MBOAT2: variants seen among roughly 807,000 people sequenced by gnomAD.
The protein encoded by MBOAT2 is membrane bound glycerophospholipid O-acyltransferase 2, also known as membrane-bound glycerophospholipid O-acyltransferase 2.
A neutral mutation model predicts 63.4 loss-of-function variants in MBOAT2; 28 were observed. The observed-to-expected ratio is 0.44, with a 90% confidence interval of 0.33 to 0.61. MBOAT2 has a LOEUF of 0.61. Ranked by LOEUF, MBOAT2 falls within the 20% of genes least tolerant of loss-of-function variation. The pLI, the probability that MBOAT2 is intolerant of heterozygous loss-of-function variation, is 0.03. For missense variants in MBOAT2, 470 were observed against 605.8 expected (o/e 0.78, Z 2.35); for synonymous variants, 211 against 215.6 (o/e 0.98, Z 0.19).
chr2:8,960,010 A>G (rs1196227691), intron 1 of MBOAT2, among the ~76,000 whole-genome samples: 1 of 152,230 alleles, frequency 6.6e-6, no homozygotes, highest in African/African-American at 2.4e-5. Context: ...TCTTTCTCAC[A>G]TATCAAGGAG....
intron 1 of MBOAT2, chr2:8,974,209 G>A (rs1246129159): frequency 2.7e-6 from 1 of 371,774 alleles, no homozygotes; most frequent in Non-Finnish European, 5.5e-6. Context: ...AGTCTCATGG[G>A]ATGAATAGTG....
intron 8 of MBOAT2, among the ~76,000 whole-genome samples, chr2:8,869,624 C>T (rs1662167822): frequency 6.6e-6 from 1 of 152,086 alleles, no homozygotes; most frequent in Non-Finnish European, 1.5e-5. Flanking sequence ...AAAAATTACA[C>T]TTTGGGGGAA....
At position 8,873,981 on chromosome 2, in the gene MBOAT2, G is replaced by C. The variant is rs574467401; in HGVS notation, c.691-681C>G. On this transcript the variant is annotated intron_variant, in intron 7 of 12. Coordinates refer to ENST00000305997, the MANE Select transcript of MBOAT2 (RefSeq NM_138799.4). ...AGGCCAGAATATTTCAACTTCATTT[G>C]GTATAAAAGAGATTATATAGGCTAG... is the stretch of plus-strand genomic sequence containing the variant. Among the ~76,000 whole-genome samples, 11 of 152,202 alleles carry C rather than the reference G, an allele frequency of 7.2e-5. No homozygotes were observed. In the South Asian group the frequency reaches 2.3e-3, roughly 32 times the overall value.
chr2:8,864,885 A>G (rs1300585633), intron 9 of MBOAT2, among the ~76,000 whole-genome samples: 1 of 151,960 alleles, frequency 6.6e-6, no homozygotes, highest in Non-Finnish European at 1.5e-5. Flanking sequence ...TTCACTTCTG[A>G]CCATTTTAGA....
intron 3 of MBOAT2, among the ~76,000 whole-genome samples, chr2:8,931,940 C>T (rs1445737622): frequency 2.0e-5 from 3 of 152,112 alleles, no homozygotes; most frequent in Non-Finnish European, 4.4e-5. Context: ...ATCCACTGGT[C>T]TATGTGTCTG....
In MBOAT2 at chr2:8,858,211, A is replaced by G. The variant is rs977869540; in HGVS notation, c.*468T>C. ...CCTCCTAAAATCCTTTACAGCACACAACATCAACTACTGCAGTAGCGTTCT... is the reference window on the plus strand; with the variant it reads ...CCTCCTAAAATCCTTTACAGCACACGACATCAACTACTGCAGTAGCGTTCT... On this transcript the variant is annotated 3_prime_UTR_variant, in exon 13 of 13. Coordinates refer to ENST00000305997, the MANE Select transcript of MBOAT2 (RefSeq NM_138799.4). 6.5e-6 allele frequency: 1 copy of G among 153,816 alleles called. No individual in the cohort carries two copies. Among genetic ancestry groups the G allele is most frequent in the Non-Finnish European group, 1.5e-5 (1 of 68,850 alleles). 9.5% of individuals were successfully genotyped at this position (153,816 alleles called of 1,614,324 possible).
chr2:8,901,956 T>C (rs1664964896), intron 4 of MBOAT2, among the ~76,000 whole-genome samples: 1 of 152,178 alleles, frequency 6.6e-6, no homozygotes, highest in Non-Finnish European at 1.5e-5. Flanking sequence ...ATAGGATAGA[T>C]GGGCGAGTCT....
intron 1 of MBOAT2, among the ~76,000 whole-genome samples, chr2:9,000,682 G>A (rs1160787447): frequency 6.6e-6 from 1 of 152,152 alleles, no homozygotes; most frequent in Non-Finnish European, 1.5e-5. Context: ...TACACACCTA[G>A]ACCAGATGGT....
At chr2:8,885,132 T>G (rs1663452205) in intron 5 of MBOAT2, among the ~76,000 whole-genome samples, 1 of 152,238 alleles carries the variant, frequency 6.6e-6, no homozygotes, top group African/African-American at 2.4e-5. Context: ...ATGGCGTATC[T>G]TCCACTGTTT....
intron 12 of MBOAT2, among the ~76,000 whole-genome samples, chr2:8,860,190 CAAAAA>C (rs201924179): frequency 1.4e-5 from 2 of 141,784 alleles, no homozygotes; most frequent in Non-Finnish European, 3.1e-5. Context: ...GATTCCGTCT[CAAAAA>C]AAAAAAGATA....
At chr2:8,910,967 G>C (rs1211655788) in intron 3 of MBOAT2, among the ~76,000 whole-genome samples, 2 of 152,216 alleles carry the variant, frequency 1.3e-5, no homozygotes, top group Non-Finnish European at 1.5e-5. Flanking sequence ...CTCAGAGGAT[G>C]AAGCCAAACA....
chr2:8,940,958 C>T (rs531231127), intron 3 of MBOAT2, among the ~76,000 whole-genome samples: 3 of 151,684 alleles, frequency 2.0e-5, no homozygotes, highest in Non-Finnish European at 2.9e-5. Context: ...AGATTGTATT[C>T]GACATAAACA....
At chr2:8,964,095 T>C (rs1249019156) in intron 1 of MBOAT2, among the ~76,000 whole-genome samples, 1 of 152,182 alleles carries the variant, frequency 6.6e-6, no homozygotes, top group Admixed American at 6.5e-5. Flanking sequence ...ACTTGAAATA[T>C]TCCAGTATTT....
intron 3 of MBOAT2, among the ~76,000 whole-genome samples, chr2:8,939,675 G>A (rs1484455140): frequency 2.0e-5 from 3 of 152,138 alleles, no homozygotes; most frequent in African/African-American, 4.8e-5. Context: ...CAATCCCTGG[G>A]GAGCAGGGAG....
At position 8,877,084 on chromosome 2, in the gene MBOAT2, A is replaced by G; in HGVS notation, c.636T>C (p.Ser212=). The G allele has an allele frequency of 6.2e-7, 1 of 1,613,708 alleles. No individual in the cohort carries two copies. Among genetic ancestry groups the G allele is most frequent in the Non-Finnish European group, 8.5e-7 (1 of 1,179,918 alleles). The change falls in exon 7 of 13, where the codon TCT becomes TCC. Residue 212 remains serine (S), a synonymous_variant. Coordinates refer to ENST00000305997, the MANE Select transcript of MBOAT2 (RefSeq NM_138799.4). The stretch of plus-strand genomic sequence containing the variant: ...GTGTCTCTTCTTTTCCATTTTCACC[A>G]GATTGTGTGATATGGTATGATCTGC... ...IEGRSYHITQ[S]GENGKEETQY...
intron 4 of MBOAT2, among the ~76,000 whole-genome samples, chr2:8,898,360 C>A (rs977512173): frequency 6.6e-6 from 1 of 152,138 alleles, no homozygotes; most frequent in Non-Finnish European, 1.5e-5. Context: ...GCCAGTGATT[C>A]CAAAGAACCC....
At chr2:8,976,963 T>C (rs941559122) in intron 1 of MBOAT2, among the ~76,000 whole-genome samples, 7 of 152,150 alleles carry the variant, frequency 4.6e-5, no homozygotes, top group Non-Finnish European at 1.0e-4. Flanking sequence ...ATGATTCTAT[T>C]TAGATGAATT....
At chr2:8,877,008 C>T (rs1247514826) in intron 7 of MBOAT2, 22 bp downstream of exon 7, 1 of 1,582,706 alleles carries the variant, frequency 6.3e-7, no homozygotes, top group Admixed American at 1.8e-5. Flanking sequence ...GTAAAGGCTC[C>T]AGATAAATCT....
intron 1 of MBOAT2, among the ~76,000 whole-genome samples, chr2:8,961,523 G>A (rs1269145748): frequency 1.3e-5 from 2 of 151,976 alleles, no homozygotes; most frequent in Non-Finnish European, 2.9e-5. Flanking sequence ...CATCCACAGG[G>A]GACTGTTACA....
Sources: allele counts gnomAD v4.1 joint callset (sites outside exome capture counted in the v4.1 genomes callset), GRCh38; gene constraint gnomAD v4.1.1; transcripts MANE v1.5; gene names NCBI Gene and HGNC (gene_info 2026-07-23, HGNC 2026-07-21).